Variants in PDSS2 observed in about 807,000 individuals in gnomAD.
The protein encoded by PDSS2 is decaprenyl diphosphate synthase subunit 2.
In PDSS2, 31 loss-of-function variants were observed where a neutral mutation model predicts 44.5. The observed-to-expected ratio is 0.70, with a 90% CI of 0.52 to 0.94. PDSS2 has a LOEUF of 0.94. Among genes scored for constraint, PDSS2 ranks in the 40% least tolerant of loss-of-function variants. The pLI is 0.00. For synonymous variants in PDSS2, 157 were observed against 180.3 expected (o/e 0.87, Z 1.03); for missense variants, 452 against 482.2 (o/e 0.94, Z 0.59).
intron 2 of PDSS2, among the ~76,000 whole-genome samples, chr6:107,329,789 C>T (rs539829838): frequency 6.6e-6 from 1 of 152,092 alleles, no homozygotes; most frequent in South Asian, 2.1e-4. Flanking sequence ...CTATTAATTA[C>T]AATGTTGGTA....
intron 6 of PDSS2, among the ~76,000 whole-genome samples, chr6:107,207,786 T>A (rs1773036952): frequency 6.6e-6 from 1 of 151,282 alleles, no homozygotes; most frequent in African/African-American, 2.4e-5. Flanking sequence ...ACTTTTGTAT[T>A]TTTAATAGAG....
chr6:107,404,961 A>T (rs1780264542), intron 1 of PDSS2, among the ~76,000 whole-genome samples: 1 of 152,198 alleles, frequency 6.6e-6, no homozygotes, highest in Admixed American at 6.5e-5. Flanking sequence ...TGCAAGAAGG[A>T]CCTCACTTCA....
intron 1 of PDSS2, among the ~76,000 whole-genome samples, chr6:107,458,504 TGAC>T (rs1782130760): frequency 1.4e-5 from 2 of 147,428 alleles, no homozygotes; most frequent in Non-Finnish European, 3.0e-5. Context: ...AAGAAGATAA[TGAC>T]TACTAACGGG....
chr6:107,314,811 C>G (rs1216555112), intron 2 of PDSS2, among the ~76,000 whole-genome samples: 1 of 152,178 alleles, frequency 6.6e-6, no homozygotes, highest in South Asian at 2.1e-4. Context: ...TTTACAGAAC[C>G]ATTATCTAAC....
intron 1 of PDSS2, among the ~76,000 whole-genome samples, chr6:107,419,672 G>A (rs1780765675): frequency 6.6e-6 from 1 of 152,024 alleles, no homozygotes; most frequent in African/African-American, 2.4e-5. Context: ...TATTTTCCAG[G>A]TATCAAACTT....
chr6:107,368,357 C>T (rs1779026376), intron 1 of PDSS2, among the ~76,000 whole-genome samples: 1 of 151,136 alleles, frequency 6.6e-6, no homozygotes, highest in African/African-American at 2.4e-5. Context: ...GAATAAAATG[C>T]TCAGGAATAA....
chr6:107,445,521 T>C (rs1413762344), intron 1 of PDSS2, among the ~76,000 whole-genome samples: 2 of 152,194 alleles, frequency 1.3e-5, no homozygotes, highest in Non-Finnish European at 2.9e-5. Context: ...ATCAAATGCA[T>C]AAATATTCAT....
intron 1 of PDSS2, among the ~76,000 whole-genome samples, chr6:107,402,817 C>G (rs1472821028): frequency 6.6e-6 from 1 of 152,010 alleles, no homozygotes; most frequent in Admixed American, 6.5e-5. Flanking sequence ...ATGAAGGTAA[C>G]TGTCCCCATG....
At chr6:107,166,394 T>A (rs1771351153) in intron 7 of PDSS2, among the ~76,000 whole-genome samples, 1 of 135,962 alleles carries the variant, frequency 7.4e-6, no homozygotes, top group South Asian at 2.5e-4. Flanking sequence ...AGATGGAGTC[T>A]CACTCTGTCG....
chr6:107,255,599 C>CA (rs547541454), intron 3 of PDSS2, among the ~76,000 whole-genome samples: 3,775 of 78,190 alleles, frequency 0.048, 78 homozygotes, highest in Middle Eastern at 0.092. Flanking sequence ...AACTCCATCT[C>CA]AAAAAAAAAA....
Position 107,253,336 on chromosome 6 carries a change from A to G in PDSS2, c.631-7717T>C, listed in dbSNP as rs183634067. On this transcript the variant is annotated intron_variant, in intron 3 of 7. Coordinates refer to ENST00000369037, the MANE Select transcript of PDSS2 (RefSeq NM_020381.4). ...CAGGCGTGAGCCACTGCACCCGGCC[A>G]TGTTTGTGGTTTAAGTATCACTAAG... is the stretch of plus-strand genomic sequence containing the variant. 5.7e-3 allele frequency among the ~76,000 whole-genome samples: 870 copies of G among 152,308 alleles called. 6 individuals carry two copies. The highest frequency in any genetic ancestry group is 8.8e-3 in the Non-Finnish European group (598 of 68,016).
intron 4 of PDSS2, among the ~76,000 whole-genome samples, chr6:107,230,357 G>GT (rs1340430039): frequency 3.3e-5 from 5 of 152,104 alleles, no homozygotes; most frequent in African/African-American, 7.2e-5. Context: ...ACCCTGGAGG[G>GT]TAGGACTTAG....
At chr6:107,413,787 T>C (rs925138456) in intron 1 of PDSS2, among the ~76,000 whole-genome samples, 2 of 152,202 alleles carry the variant, frequency 1.3e-5, no homozygotes, top group African/African-American at 4.8e-5. Context: ...ATGGTACTTT[T>C]TTTATGCATT....
chr6:107,270,240 C>G (rs898754644), intron 3 of PDSS2, among the ~76,000 whole-genome samples: 1 of 152,096 alleles, frequency 6.6e-6, no homozygotes, highest in African/African-American at 2.4e-5. Context: ...TCCCAAGTAG[C>G]TGGGATTACA....
chr6:107,400,354 C>T (rs1036271621), intron 1 of PDSS2, among the ~76,000 whole-genome samples: 8 of 152,190 alleles, frequency 5.3e-5, no homozygotes, highest in East Asian at 1.9e-4. Flanking sequence ...TAGTCTCAAG[C>T]GGGGAGGACA....
At chr6:107,317,232 T>G (rs1054278576) in intron 2 of PDSS2, among the ~76,000 whole-genome samples, 1 of 152,194 alleles carries the variant, frequency 6.6e-6, no homozygotes, top group African/African-American at 2.4e-5. Flanking sequence ...TTTATTCATT[T>G]GCTCTCACCT....
rs141535861 is a variant in PDSS2, at chr6:107,220,885, G to A, written c.703-8603C>T. On this transcript the variant is annotated intron_variant, in intron 4 of 7. Coordinates refer to ENST00000369037, the MANE Select transcript of PDSS2 (RefSeq NM_020381.4). ...TCCCTCATTTCCATCAGCTTGCCGT[G>A]TATATACTAAGAGAGCATGCTCTAT... is the stretch of plus-strand genomic sequence containing the variant. Among the ~76,000 whole-genome samples the A allele has an allele frequency of 8.6e-3, 1,304 of 152,182 alleles. 7 individuals carry two copies. Among genetic ancestry groups the A allele is most frequent in the Middle Eastern group, 0.041 (12 of 294 alleles).
At chr6:107,402,163 C>T (rs1780126305) in intron 1 of PDSS2, among the ~76,000 whole-genome samples, 1 of 151,458 alleles carries the variant, frequency 6.6e-6, no homozygotes, top group South Asian at 2.1e-4. Context: ...GCCCATAATC[C>T]CAGCTACTCA....
intron 1 of PDSS2, among the ~76,000 whole-genome samples, chr6:107,432,645 G>A (rs769240217): frequency 1.3e-5 from 2 of 152,128 alleles, no homozygotes; most frequent in Non-Finnish European, 2.9e-5. Flanking sequence ...GCGTGGTGGT[G>A]CACGCCTGTG....
Sources: gnomAD v4.1 joint callset for allele counts (sites outside exome capture counted in the v4.1 genomes callset) on GRCh38, gnomAD v4.1.1 for gene constraint, MANE v1.5 for transcripts, NCBI Gene and HGNC (gene_info 2026-07-23, HGNC 2026-07-21) for gene names.